Variants in MAPK9 observed in about 807,000 individuals in gnomAD.
MAPK9 encodes mitogen-activated protein kinase 9.
A neutral mutation model predicts 57.1 loss-of-function variants in MAPK9; 30 were observed. The ratio of observed to expected loss-of-function variants is 0.53; its 90% CI spans 0.39 to 0.71. MAPK9 has a LOEUF of 0.71. MAPK9 is among the 30% of genes least tolerant of loss of function. The pLI, the probability that MAPK9 is intolerant of heterozygous loss-of-function variation, is 0.00. For missense variants in MAPK9, 362 were observed against 521.0 expected, an observed-to-expected ratio of 0.69 and a Z score of 2.97; for synonymous variants, 155 against 177.0, an observed-to-expected ratio of 0.88 and a Z score of 0.99.
intron 2 of MAPK9, among the ~76,000 whole-genome samples, chr5:180,270,500 C>T (rs1430667834): frequency 2.0e-5 from 3 of 152,114 alleles, no homozygotes; most frequent in Non-Finnish European, 1.5e-5. Flanking sequence ...TGAAACAAGT[C>T]ATTGACATAC....
At chr5:180,238,437 A>G (rs911084057) in intron 10 of MAPK9, 34 bp from the exon 11 acceptor site, 2 of 1,455,818 alleles carry the variant, frequency 1.4e-6, no homozygotes, top group Admixed American at 1.7e-5. Context: ...ATGCTTAATC[A>G]GTTTCTAAAC....
Position 180,235,915 on chromosome 5 carries a change from C to T in MAPK9, c.*469G>A, listed in dbSNP as rs750818802. ...TGATGGCCAATTAATACACATAAAT[C>T]GACTTTTTCTGGACAGACACCAAAT... On this transcript the variant is annotated 3_prime_UTR_variant, in exon 12 of 12. Coordinates refer to ENST00000452135, the MANE Select transcript of MAPK9 (RefSeq NM_002752.5). The T allele has an allele frequency of 6.5e-6, 1 of 152,706 alleles. No individual in the cohort carries two copies. Among genetic ancestry groups the T allele is most frequent in the Non-Finnish European group, 1.5e-5 (1 of 68,218 alleles). The allele number at this position is 152,706 out of a possible 1,614,324, so 9.5% of individuals were successfully genotyped here.
At chr5:180,286,018 T>C (rs1270576736) in intron 1 of MAPK9, among the ~76,000 whole-genome samples, 5 of 144,726 alleles carry the variant, frequency 3.5e-5, no homozygotes, top group Non-Finnish European at 6.0e-5. Context: ...AGGCGGAGCT[T>C]GCAGTGAGCC....
rs370604136 is a variant in MAPK9, at chr5:180,280,589, G to A, written c.-28C>T. On this transcript the variant is annotated 5_prime_UTR_variant, in exon 2 of 12. Coordinates refer to ENST00000452135, the MANE Select transcript of MAPK9 (RefSeq NM_002752.5). ...TGCAGCGTCCTGCAATATCCCGAAG[G>A]GTGGGCAAGTTTCAGATCCCTTCAA... 89 of 1,603,362 alleles carry A rather than the reference G, an allele frequency of 5.6e-5. No homozygotes were observed. In the Middle Eastern group the frequency reaches 2.2e-3, roughly 39 times the overall value.
rs1187757498 is a variant in MAPK9, at chr5:180,234,515, C to G, written c.*1869G>C. On this transcript the variant is annotated 3_prime_UTR_variant, in exon 12 of 12. Coordinates refer to ENST00000452135, the MANE Select transcript of MAPK9 (RefSeq NM_002752.5). ...GGGCGTCTGCGGGTGCCTCGTCCCC[C>G]GTCCACGTCTCCCGGGGAGGGAGCA... is the stretch of plus-strand genomic sequence containing the variant. 6.6e-6 allele frequency: 1 copy of G among 152,266 alleles called. No homozygotes were observed. The highest frequency in any genetic ancestry group is 1.5e-5 in the Non-Finnish European group (1 of 68,074). 9.4% of individuals were successfully genotyped at this position (152,266 alleles called of 1,614,324 possible).
At chr5:180,283,996 G>C (rs995741721) in intron 1 of MAPK9, among the ~76,000 whole-genome samples, 1 of 152,138 alleles carries the variant, frequency 6.6e-6, no homozygotes, top group African/African-American at 2.4e-5. Context: ...TTATGCAGGA[G>C]AAAAAAGTCA....
chr5:180,267,861 T>G (rs1355536117), intron 3 of MAPK9, among the ~76,000 whole-genome samples: 6 of 152,064 alleles, frequency 3.9e-5, no homozygotes, highest in Non-Finnish European at 7.4e-5. Flanking sequence ...ATTTTATTTA[T>G]TTATTTATTT....
intron 4 of MAPK9, among the ~76,000 whole-genome samples, 153 bp from the exon 5 acceptor site, chr5:180,261,975 A>AAT (rs1185650832): frequency 6.6e-6 from 1 of 152,258 alleles, no homozygotes; most frequent in Non-Finnish European, 1.5e-5. Flanking sequence ...TTTTCCAAAG[A>AAT]ATATATAAAT....
chr5:180,274,011 A>AT (rs1761598928), intron 2 of MAPK9, among the ~76,000 whole-genome samples: 3 of 152,164 alleles, frequency 2.0e-5, no homozygotes, highest in Non-Finnish European at 2.9e-5. Flanking sequence ...CTGAGATTTG[A>AT]TTGCAATCAC....
Position 180,236,482 on chromosome 5 carries a change from TC to T in MAPK9, c.1176del (p.Ile393SerfsTer52). On this transcript the variant is annotated frameshift_variant, in exon 12 of 12. Coordinates refer to ENST00000452135, the MANE Select transcript of MAPK9 (RefSeq NM_002752.5). LOFTEE classifies it high-confidence loss of function. ...GTGGACATGGATGAAATGTCATTGA[TC>T]GATGAAGACTGAGAAGGAGTGGCGT... Reference protein sequence around the residue: ...SSNATPSQSSSINDISSMSTE... With the variant: ...SSNATPSQSSXINDISSMSTE... The T allele has an allele frequency of 6.2e-7, 1 of 1,614,104 alleles. No homozygotes were observed. Among genetic ancestry groups the T allele is most frequent in the Non-Finnish European group, 8.5e-7 (1 of 1,179,968 alleles).
chr5:180,266,904 T>A (rs1253169344), intron 3 of MAPK9, among the ~76,000 whole-genome samples: 1 of 152,218 alleles, frequency 6.6e-6, no homozygotes, highest in East Asian at 1.9e-4. Flanking sequence ...GTTAGAATGT[T>A]CATTGCAGCA....
chr5:180,247,354 C>T lies in MAPK9; in HGVS notation c.688+85G>A, dbSNP rs1561790909. ...CTGGAGTGGATTTTACGACTTTGTC[C>T]TCGTGAGCGCTCGTGTAAGCAGGTG... On this transcript the variant is annotated intron_variant, in intron 7 of 11. Coordinates refer to ENST00000452135, the MANE Select transcript of MAPK9 (RefSeq NM_002752.5). The surrounding 1 kb of genome is among the most constrained non-coding windows in gnomAD (Gnocchi z 4.5). 6.6e-7 allele frequency: 1 copy of T among 1,523,240 alleles called. No homozygotes were observed. Among genetic ancestry groups the T allele is most frequent in the Non-Finnish European group, 9.1e-7 (1 of 1,098,622 alleles). The allele number at this position is 1,523,240 out of a possible 1,614,324, so 94.4% of individuals were successfully genotyped here.
In MAPK9 at chr5:180,247,782, A is replaced by T; in HGVS notation, c.617-272T>A. 1 of 1,470,284 alleles carries T rather than the reference A, an allele frequency of 6.8e-7. No individual in the cohort carries two copies. Among genetic ancestry groups the T allele is most frequent in the Non-Finnish European group, 9.5e-7 (1 of 1,050,208 alleles). The allele number at this position is 1,470,284 out of a possible 1,614,324, so 91.1% of individuals were successfully genotyped here. On this transcript the variant is annotated intron_variant, in intron 6 of 11. Transcript: ENST00000452135. This position sits in a 1 kb window ranked among gnomAD's most constrained non-coding sequence, Gnocchi z 4.5. ...AACCAGAAACAAGAAGTGCCTGTGAACACAAAGCTTTTCAGGGCCACACGC... is the reference window on the plus strand; with the variant it reads ...AACCAGAAACAAGAAGTGCCTGTGATCACAAAGCTTTTCAGGGCCACACGC...
chr5:180,249,245 T>A, intron 5 of MAPK9, 107 bp from the exon 6 acceptor site: 1 of 1,008,228 alleles, frequency 9.9e-7, no homozygotes, highest in South Asian at 1.9e-5. Flanking sequence ...GGGAGTGAAC[T>A]GAACTCTGAG....
At chr5:180,242,777 A>G in intron 7 of MAPK9, 22 bp from the exon 8 acceptor site, 1 of 1,594,282 alleles carries the variant, frequency 6.3e-7, no homozygotes, top group Non-Finnish European at 8.6e-7. Flanking sequence ...CTTGAGGAAA[A>G]TACAACTGAA....
chr5:180,241,502 T>C (rs1368553484), intron 8 of MAPK9, among the ~76,000 whole-genome samples: 1 of 152,196 alleles, frequency 6.6e-6, no homozygotes, highest in African/African-American at 2.4e-5. Context: ...GGTTTCACTG[T>C]GTTAGGCAGG....
chr5:180,282,529 G>A (rs753952827), intron 1 of MAPK9, among the ~76,000 whole-genome samples: 2 of 152,242 alleles, frequency 1.3e-5, no homozygotes, highest in South Asian at 2.1e-4. Flanking sequence ...ACGGCTTCAA[G>A]GAGGAGGCGG....
chr5:180,266,534 G>A (rs575846690), intron 3 of MAPK9, among the ~76,000 whole-genome samples: 1 of 151,870 alleles, frequency 6.6e-6, no homozygotes, highest in Non-Finnish European at 1.5e-5. Context: ...AACCAACGTG[G>A]TCTTAAACTC....
At chr5:180,249,307 T>C (rs1254235061) in intron 5 of MAPK9, among the ~76,000 whole-genome samples, 169 bp from the exon 6 acceptor site, 5 of 152,152 alleles carry the variant, frequency 3.3e-5, no homozygotes, top group Admixed American at 1.3e-4. Flanking sequence ...CTAAAACAAA[T>C]CAGCCTAAAG....
Sources: gnomAD v4.1 joint callset for allele counts (sites outside exome capture counted in the v4.1 genomes callset) on GRCh38, gnomAD v4.1.1 for gene constraint, Gnocchi (gnomAD v3.1) non-coding constraint, MANE v1.5 for transcripts, NCBI Gene and HGNC (gene_info 2026-07-23, HGNC 2026-07-21) for gene names.